The following CLCN3 variants were observed in gnomAD, a reference collection of about 807,000 sequenced individuals.
CLCN3 encodes Cl-/H+ antiporter 3, also known as H(+)/Cl(-) exchange transporter 3.
CLCN3 carries 16 observed loss-of-function variants against 83.4 expected under a neutral mutation model. That is an observed-to-expected ratio of 0.19 (90% CI 0.13 to 0.29). The LOEUF (loss-of-function observed/expected upper bound fraction) is 0.29, where lower values mean the gene tolerates loss of function less well. Ranked by LOEUF, CLCN3 falls within the 10% of genes least tolerant of loss-of-function variation. The pLI, the probability that CLCN3 is intolerant of heterozygous loss-of-function variation, is 1.00. For synonymous variants in CLCN3, 322 were observed against 346.2 expected (o/e 0.93, Z 0.78); for missense variants, 544 against 1,006.0 (o/e 0.54, Z 6.21).
At chr4:169,660,609 G>T (rs899386217) in intron 2 of CLCN3, among the ~76,000 whole-genome samples, 1 of 152,148 alleles carries the variant, frequency 6.6e-6, no homozygotes, top group Non-Finnish European at 1.5e-5. Flanking sequence ...CTTCTGAATG[G>T]TTGTGTAGCC....
chr4:169,642,085 ATT>A (rs931433696), intron 2 of CLCN3, among the ~76,000 whole-genome samples: 1 of 148,416 alleles, frequency 6.7e-6, no homozygotes, highest in African/African-American at 2.5e-5. Context: ...TTTAAAATTT[ATT>A]TTTTTTTTTA....
chr4:169,669,410 G>A (rs936948723), intron 2 of CLCN3, among the ~76,000 whole-genome samples: 5 of 152,142 alleles, frequency 3.3e-5, no homozygotes, highest in African/African-American at 9.7e-5. Context: ...ATGATTGCTT[G>A]AGCCTAGGTT....
chr4:169,666,909 T>C (rs981374706), intron 2 of CLCN3, among the ~76,000 whole-genome samples: 46 of 152,238 alleles, frequency 3.0e-4, no homozygotes, highest in African/African-American at 1.1e-3. Flanking sequence ...CTGAGAACAA[T>C]GTCTGGTACA....
At chr4:169,649,208 G>C (rs1045281292) in intron 2 of CLCN3, among the ~76,000 whole-genome samples, 3 of 152,128 alleles carry the variant, frequency 2.0e-5, no homozygotes, top group African/African-American at 7.2e-5. Context: ...GGAACTTGGA[G>C]CGTTAGAGGT....
rs1015837547 is a variant in CLCN3, at chr4:169,620,977, A to G, written c.-103A>G. The G allele has an allele frequency of 7.5e-5, 30 of 398,292 alleles. No individual in the cohort carries two copies. Among genetic ancestry groups the G allele is most frequent in the Non-Finnish European group, 1.3e-4 (29 of 226,054 alleles). The allele number at this position is 398,292 out of a possible 1,614,324, so 24.7% of individuals were successfully genotyped here. A position where few individuals can be genotyped will look rare whatever the true frequency, so the allele number is the denominator to read the frequency against. On this transcript the variant is annotated 5_prime_UTR_variant, in exon 1 of 13. Coordinates refer to ENST00000513761, the MANE Select transcript of CLCN3 (RefSeq NM_001829.4). ...CTTTCTTCGGTGGAGCTCCGAGGGT[A>G]GCTAGGTTCTAGGTTTGAAACAGAT...
At chr4:169,682,189 A>G (rs1473944795) in intron 3 of CLCN3, among the ~76,000 whole-genome samples, 1 of 152,222 alleles carries the variant, frequency 6.6e-6, no homozygotes, top group Non-Finnish European at 1.5e-5. Context: ...TCACTGATTT[A>G]TGTGGATCTT....
At chr4:169,674,662 A>T (rs868112916) in intron 2 of CLCN3, among the ~76,000 whole-genome samples, 8 of 151,900 alleles carry the variant, frequency 5.3e-5, no homozygotes, top group African/African-American at 1.9e-4. Context: ...AATGGTATCA[A>T]TTATTATTAT....
chr4:169,659,005 T>C (rs1390107439), intron 2 of CLCN3, among the ~76,000 whole-genome samples: 1 of 152,174 alleles, frequency 6.6e-6, no homozygotes, highest in African/African-American at 2.4e-5. Context: ...CTCTGAGTTT[T>C]CTCTTTCCTT....
chr4:169,701,642 A>G (rs1732789830), intron 9 of CLCN3, among the ~76,000 whole-genome samples: 1 of 152,196 alleles, frequency 6.6e-6, no homozygotes, highest in African/African-American at 2.4e-5. Context: ...AAAGAATTCT[A>G]CGGAGGGACA....
chr4:169,704,469 A>G (rs1732914694), intron 10 of CLCN3, among the ~76,000 whole-genome samples: 1 of 152,224 alleles, frequency 6.6e-6, no homozygotes, highest in South Asian at 2.1e-4. Flanking sequence ...CATAAGCTTA[A>G]TTTGAATCCT....
intron 11 of CLCN3, among the ~76,000 whole-genome samples, chr4:169,708,239 A>G (rs756398868): frequency 6.6e-6 from 1 of 152,172 alleles, no homozygotes. Flanking sequence ...AAGACCAGAC[A>G]GTGTATGTGG....
chr4:169,673,396 CAT>C (rs1731553231), intron 2 of CLCN3, among the ~76,000 whole-genome samples: 1 of 152,180 alleles, frequency 6.6e-6, no homozygotes, highest in Admixed American at 6.5e-5. Flanking sequence ...TTTTCTACCT[CAT>C]AAAAATGAGA....
At chr4:169,622,263 A>G (rs1773129258) in intron 1 of CLCN3, among the ~76,000 whole-genome samples, 1 of 152,236 alleles carries the variant, frequency 6.6e-6, no homozygotes, top group Non-Finnish European at 1.5e-5. Flanking sequence ...GTAAATATTT[A>G]AACTACTTTT....
intron 1 of CLCN3, among the ~76,000 whole-genome samples, chr4:169,631,713 C>T (rs962448659): frequency 6.6e-6 from 1 of 152,174 alleles, no homozygotes; most frequent in Non-Finnish European, 1.5e-5. Context: ...AGATCCAAAT[C>T]ACCACACAAT....
intron 2 of CLCN3, among the ~76,000 whole-genome samples, chr4:169,647,111 C>T (rs1336196102): frequency 6.6e-6 from 1 of 152,064 alleles, no homozygotes; most frequent in Non-Finnish European, 1.5e-5. Context: ...GTTGGCTGGG[C>T]GTGGTGGCTC....
At chr4:169,625,358 A>T (rs7681537) in intron 1 of CLCN3, among the ~76,000 whole-genome samples, 3,678 of 152,044 alleles carry the variant, frequency 0.024, 80 homozygotes, top group Non-Finnish European at 0.03. Flanking sequence ...GTACCCAGTC[A>T]GTCTCCTTTA....
Position 169,635,873 on chromosome 4 carries a change from A to G in CLCN3, c.-16-40A>G, listed in dbSNP as rs554007804. On this transcript the variant is annotated intron_variant, in intron 1 of 12. Transcript: ENST00000513761. ...TGTTAAACTAGATGATTTTTATTGTATGTTTGAAAAATGTTAAAACTACTT... is the reference window on the plus strand; with the variant it reads ...TGTTAAACTAGATGATTTTTATTGTGTGTTTGAAAAATGTTAAAACTACTT... 70 of 1,448,434 alleles carry G rather than the reference A, an allele frequency of 4.8e-5. No individual in the cohort carries two copies. In the East Asian group the frequency reaches 1.2e-3, roughly 25 times the overall value. 89.7% of individuals were successfully genotyped at this position (1,448,434 alleles called of 1,614,324 possible).
At chr4:169,699,775 G>C (rs111543507) in intron 9 of CLCN3, among the ~76,000 whole-genome samples, 32 of 151,976 alleles carry the variant, frequency 2.1e-4, no homozygotes, top group African/African-American at 3.9e-4. Flanking sequence ...CCGGCTACTC[G>C]AGAGGCTGAG....
chr4:169,640,157 T>C (rs574783975), intron 2 of CLCN3, among the ~76,000 whole-genome samples: 1 of 152,312 alleles, frequency 6.6e-6, no homozygotes, highest in Admixed American at 6.5e-5. Context: ...GCTGTTTCTG[T>C]TTTCTTCTAG....
Sources: gnomAD v4.1 joint callset for allele counts (sites outside exome capture counted in the v4.1 genomes callset) on GRCh38, gnomAD v4.1.1 for gene constraint, MANE v1.5 for transcripts, NCBI Gene and HGNC (gene_info 2026-07-23, HGNC 2026-07-21) for gene names.